Variants in TOP2B observed in about 807,000 individuals in gnomAD.
TOP2B encodes the protein DNA topoisomerase 2-beta.
In TOP2B, 51 loss-of-function variants were observed where a neutral mutation model predicts 193.5. The observed-to-expected ratio is 0.26, with a 90% CI of 0.21 to 0.33. The LOEUF is 0.33. Ranked by LOEUF, TOP2B falls within the 10% of genes least tolerant of loss-of-function variation. The pLI, the probability that TOP2B is intolerant of heterozygous loss-of-function variation, is 1.00. For missense variants in TOP2B, 1,378 were observed against 1,909.3 expected (o/e 0.72, Z 5.19); for synonymous variants, 634 against 635.7 (o/e 1.00, Z 0.04).
In TOP2B at chr3:25,624,297, C is replaced by G; in HGVS notation, c.2495G>C (p.Ser832Thr). The change falls in exon 20 of 36, where the codon AGC becomes ACC. Residue 832 changes from serine to threonine, a missense_variant and splice_region_variant. Around this residue, in one of 9 missense-constraint regions of TOP2B, gnomAD observed 379 missense variants for 615.1 expected, o/e 0.62. Transcript: ENST00000264331. ...TACCATTATATCAGCAAATATTTAC[C>G]TTAACATTGTGAAAATATAACGAGG... ...ASPRYIFTML[S>T]TLARLLFPAV... The G allele has an allele frequency of 6.2e-7, 1 of 1,613,558 alleles. No homozygotes were observed. The highest frequency in any genetic ancestry group is 8.5e-7 in the Non-Finnish European group (1 of 1,179,696).
intron 18 of TOP2B, 141 bp from the exon 19 acceptor site, chr3:25,624,944 A>G: frequency 1.3e-6 from 1 of 751,140 alleles, no homozygotes; most frequent in East Asian, 2.8e-5. Flanking sequence ...GTGAGTACAT[A>G]CTAACACGTT....
In TOP2B at chr3:25,664,527, G is replaced by C; in HGVS notation, c.-230C>G. 4.4e-6 allele frequency: 5 copies of C among 1,147,182 alleles called. No homozygotes were observed. Among genetic ancestry groups the C allele is most frequent in the Non-Finnish European group, 4.3e-6 (4 of 934,564 alleles). 71.1% of individuals were successfully genotyped at this position (1,147,182 alleles called of 1,614,324 possible). ...CGAGGCGCGGCGTCCGCGTCGCCCG[G>C]GCCTAGCGCGGCGGCTGAGGAGAAA... is the stretch of plus-strand genomic sequence containing the variant. On this transcript the variant is annotated 5_prime_UTR_variant, in exon 1 of 36. Coordinates refer to ENST00000264331, the MANE Select transcript of TOP2B (RefSeq NM_001330700.2).
chr3:25,649,706 C>A (rs1392404384), intron 1 of TOP2B, among the ~76,000 whole-genome samples: 1 of 151,022 alleles, frequency 6.6e-6, no homozygotes, highest in Non-Finnish European at 1.5e-5. Flanking sequence ...GATAAACAAA[C>A]ACTGGGACAG....
chr3:25,615,381 C>G lies in TOP2B; in HGVS notation c.3507+50G>C. 3 of 1,533,852 alleles carry G rather than the reference C, an allele frequency of 2.0e-6. No individual in the cohort carries two copies. In the South Asian group the frequency reaches 3.8e-5, roughly 19 times the overall value. On this transcript the variant is annotated intron_variant, in intron 26 of 35. Transcript: ENST00000264331. Reference sequence around the variant, plus strand: ...TTATTTTTGGAAAAAGAAAAAGATACAGATAACACTGAAATAGTTTCAAAC... The same window carrying G: ...TTATTTTTGGAAAAAGAAAAAGATAGAGATAACACTGAAATAGTTTCAAAC...
intron 30 of TOP2B, among the ~76,000 whole-genome samples, chr3:25,608,381 C>T (rs1702287873): frequency 6.6e-6 from 1 of 152,108 alleles, no homozygotes; most frequent in Non-Finnish European, 1.5e-5. Flanking sequence ...TATGTAAATA[C>T]AATTTTAAAG....
At chr3:25,613,727 C>CAA (rs557958078) in intron 27 of TOP2B, among the ~76,000 whole-genome samples, 5 of 123,102 alleles carry the variant, frequency 4.1e-5, no homozygotes, top group African/African-American at 1.5e-4. Flanking sequence ...GACCATGTCT[C>CAA]AAAAAAAAAA....
At chr3:25,636,410 A>G (rs1439495383) in intron 6 of TOP2B, among the ~76,000 whole-genome samples, 3 of 152,148 alleles carry the variant, frequency 2.0e-5, no homozygotes, top group African/African-American at 7.2e-5. Context: ...TTTTTAAAAT[A>G]CAGCATAACT....
intron 22 of TOP2B, among the ~76,000 whole-genome samples, 197 bp downstream of exon 22, chr3:25,620,485 A>G (rs543160065): frequency 1.8e-4 from 27 of 152,346 alleles, no homozygotes; most frequent in Admixed American, 5.9e-4. Flanking sequence ...CTTACCTAAC[A>G]TAAGTCATAC....
intron 4 of TOP2B, among the ~76,000 whole-genome samples, chr3:25,640,751 T>C (rs932721494): frequency 1.4e-5 from 2 of 143,448 alleles, no homozygotes; most frequent in East Asian, 2.0e-4. Context: ...TTCTTCGTTG[T>C]CTTTTTTTTT....
intron 23 of TOP2B, among the ~76,000 whole-genome samples, chr3:25,619,642 C>A (rs1386809970): frequency 6.6e-6 from 1 of 151,296 alleles, no homozygotes; most frequent in African/African-American, 2.4e-5. Context: ...TGTTTTCAAG[C>A]CCAGATGCAT....
rs1332183516 is a variant in TOP2B at position 25,615,549 on chromosome 3, T to A, written c.3389A>T (p.Asp1130Val). 6.4e-7 allele frequency: 1 copy of A among 1,572,304 alleles called. No homozygotes were observed. Among genetic ancestry groups the A allele is most frequent in the South Asian group, 1.2e-5 (1 of 84,522 alleles). ...EEDETQNQHD[D>V]SSSDSGTPSG... ...AGGAGTTCCTGAATCGGAGGAACTA[T>A]CATCATGCTGGTTTTGTGTTTCATC... is the stretch of plus-strand genomic sequence containing the variant. The change falls in exon 26 of 36, where the codon GAT becomes GTT. Residue 1130 changes from aspartate to valine, a missense_variant. By Grantham distance (152) the Asp-to-Val change is radical. Transcript: ENST00000264331.
At position 25,609,312 on chromosome 3, in the gene TOP2B, C is replaced by T; in HGVS notation, c.3964G>A (p.Gly1322Ser). 6.3e-7 allele frequency: 1 copy of T among 1,597,486 alleles called. No individual in the cohort carries two copies. Among genetic ancestry groups the T allele is most frequent in the South Asian group, 1.1e-5 (1 of 88,800 alleles). ...TRVRKTPTSS[G>S]KPSAKKVKKR... is the part of the protein sequence containing the mutation. The stretch of plus-strand genomic sequence containing the variant: ...TTCACTTTCTTTGCACTAGGTTTAC[C>T]AGATGATGTAGGTGTTTTTCTCACT... Residue 1322 changes from glycine (G) to serine (S), a missense_variant, in exon 30 of 36, where the codon GGT becomes AGT. Around this residue, in one of 9 missense-constraint regions of TOP2B, gnomAD observed 556 missense variants for 584.2 expected, o/e 0.95. Transcript: ENST00000264331.
At chr3:25,655,284 A>G (rs1703710877) in intron 1 of TOP2B, among the ~76,000 whole-genome samples, 1 of 152,226 alleles carries the variant, frequency 6.6e-6, no homozygotes, top group South Asian at 2.1e-4. Context: ...AGCATATGAA[A>G]AGATAATCAA....
intron 4 of TOP2B, 22 bp from the exon 5 acceptor site, chr3:25,638,332 A>T (rs1363464931): frequency 2.2e-6 from 3 of 1,343,562 alleles, no homozygotes; most frequent in Admixed American, 3.5e-5. Flanking sequence ...AAAAAAAAAA[A>T]AAAAAAAAAA....
In TOP2B at chr3:25,642,308, T is replaced by C. The variant is rs762161690; in HGVS notation, c.395+14A>G. On this transcript the variant is annotated intron_variant, in intron 4 of 35. Transcript: ENST00000264331. ...AAAACTTAGCATAAAAAATTAAACT[T>C]TAAATATACTTACGGATCAATAGAA... The C allele has an allele frequency of 1.3e-6, 2 of 1,493,210 alleles. No homozygotes were observed. The highest frequency in any genetic ancestry group is 1.2e-5 in the South Asian group (1 of 81,112). 92.5% of individuals were successfully genotyped at this position (1,493,210 alleles called of 1,614,324 possible).
chr3:25,598,802 C>T (rs914010533), intron 35 of TOP2B, among the ~76,000 whole-genome samples: 2 of 152,112 alleles, frequency 1.3e-5, no homozygotes, highest in Non-Finnish European at 2.9e-5. Context: ...AGCTGTCCTA[C>T]TGGTAAGTAC....
intron 30 of TOP2B, among the ~76,000 whole-genome samples, chr3:25,607,970 A>G (rs932647367): frequency 1.3e-5 from 2 of 152,028 alleles, no homozygotes; most frequent in African/African-American, 4.8e-5. Context: ...ATTGTTTTAG[A>G]CACAGGGTCT....
Position 25,645,411 on chromosome 3 carries a change from A to G in TOP2B, c.129T>C (p.Asn43=). 1 of 1,613,788 alleles carries G rather than the reference A, an allele frequency of 6.2e-7. No homozygotes were observed. Among genetic ancestry groups the G allele is most frequent in the Non-Finnish European group, 8.5e-7 (1 of 1,179,816 alleles). The change falls in exon 2 of 36, where the codon AAT becomes AAC. Residue 43 remains asparagine, a synonymous_variant. Coordinates refer to ENST00000264331, the MANE Select transcript of TOP2B (RefSeq NM_001330700.2). ...CAACAGACAACTTCTTTGAAGAATC[A>G]TTTTTGTTGGCAGTTTCTGACTCTT... ...KKEESETANK[N]DSSKKLSVER... is the part of the protein sequence containing the mutation.
chr3:25,616,727 C>G (rs1430155564), intron 25 of TOP2B, among the ~76,000 whole-genome samples: 1 of 151,774 alleles, frequency 6.6e-6, no homozygotes, highest in Non-Finnish European at 1.5e-5. Context: ...AAAAATATCA[C>G]TAGGATACAA....
Sources: allele counts gnomAD v4.1 joint callset (sites outside exome capture counted in the v4.1 genomes callset), GRCh38; gene constraint gnomAD v4.1.1; regional missense constraint gnomAD v4.1.1; transcripts MANE v1.5; gene names NCBI Gene and HGNC (gene_info 2026-07-23, HGNC 2026-07-21).